DGKG: variants seen among roughly 807,000 people sequenced by gnomAD.
DGKG encodes DAG kinase gamma.
In DGKG, 78 loss-of-function variants were observed where a neutral mutation model predicts 105.3. That is an observed-to-expected ratio of 0.74 (90% CI 0.62 to 0.89). The LOEUF (loss-of-function observed/expected upper bound fraction) is 0.89, where lower values mean the gene tolerates loss of function less well. DGKG is among the 40% of genes least tolerant of loss of function. The pLI is 0.00. For synonymous variants in DGKG, 346 were observed against 367.1 expected (o/e 0.94, Z 0.66); for missense variants, 958 against 1,020.1 (o/e 0.94, Z 0.83).
intron 5 of DGKG, among the ~76,000 whole-genome samples, chr3:186,296,115 A>T (rs75164737): frequency 5.1e-5 from 1 of 19,452 alleles, no homozygotes; most frequent in African/African-American, 1.3e-4. Context: ...TCTCAGACAA[A>T]AAAAAAAAAA....
At chr3:186,161,386 GTGA>G in intron 24 of DGKG, 2 of 1,396,050 alleles carry the variant, frequency 1.4e-6, no homozygotes, top group Non-Finnish European at 1.9e-6. Context: ...ATTCAATTTT[GTGA>G]CCGGCGCTTC....
Position 186,288,824 on chromosome 3 carries a change from G to C in DGKG, c.430C>G (p.Leu144Val), listed in dbSNP as rs1723187400. ...GAAGACCGAGGGACGGGGGGTTCCA[G>C]GGGGGTCGCAGCCACTTGGTCTTCA... ...PAEDQVAATP[L>V]EPPVPRSSSS... Residue 144 changes from leucine to valine, a missense_variant, in exon 6 of 25, where the codon CTG (leucine) becomes GTG (valine). By Grantham distance (32) the Leu-to-Val change is conservative. Around this residue, in one of 2 missense-constraint regions of DGKG, gnomAD observed 643 missense variants for 619.5 expected, o/e 1.04. Coordinates refer to ENST00000265022, the MANE Select transcript of DGKG (RefSeq NM_001346.3). 2 of 1,609,550 alleles carry C rather than the reference G, an allele frequency of 1.2e-6. No individual in the cohort carries two copies. Among genetic ancestry groups the C allele is most frequent in the Middle Eastern group, 1.7e-4 (1 of 6,044 alleles).
At chr3:186,322,848 G>A (rs572991278) in intron 1 of DGKG, among the ~76,000 whole-genome samples, 21 of 152,210 alleles carry the variant, frequency 1.4e-4, no homozygotes, top group Non-Finnish European at 2.4e-4. Context: ...CCAGCCGCTC[G>A]GGTTATGCCC....
chr3:186,220,369 C>T (rs1349618371), intron 20 of DGKG, among the ~76,000 whole-genome samples: 1 of 152,146 alleles, frequency 6.6e-6, no homozygotes, highest in African/African-American at 2.4e-5. Flanking sequence ...GCAGCCTTCT[C>T]ACGGTACAGC....
intron 2 of DGKG, chr3:186,313,473 C>A: frequency 1.0e-6 from 1 of 982,816 alleles, no homozygotes; most frequent in Non-Finnish European, 1.2e-6. Context: ...CATTTTCTCA[C>A]CTTTTCTCCA....
intron 19 of DGKG, among the ~76,000 whole-genome samples, chr3:186,248,989 G>A (rs547703864): frequency 6.6e-6 from 1 of 152,284 alleles, no homozygotes; most frequent in East Asian, 1.9e-4. Context: ...TTTTTTAACT[G>A]TAATGATGGG....
At chr3:186,352,733 C>A (rs913746582) in intron 1 of DGKG, among the ~76,000 whole-genome samples, 3 of 152,176 alleles carry the variant, frequency 2.0e-5, no homozygotes, top group Non-Finnish European at 4.4e-5. Flanking sequence ...TCCACCTGTA[C>A]TGCCATTGGT....
chr3:186,205,679 C>T (rs892643749), intron 21 of DGKG, among the ~76,000 whole-genome samples: 106 of 151,934 alleles, frequency 7.0e-4, no homozygotes, highest in Admixed American at 2.2e-3. Flanking sequence ...CACCGCACTC[C>T]AGCCTGGGTG....
chr3:186,361,589 T>G lies in DGKG; in HGVS notation c.-249+357A>C, dbSNP rs1383534445. ...GACTGCCTGGAGCGCGAACTGGATA[T>G]CAAGGAGCCAAGGTTAAGTCCAGAA... is the stretch of plus-strand genomic sequence containing the variant. On this transcript the variant is annotated intron_variant, in intron 1 of 24. Transcript: ENST00000265022. The surrounding 1 kb of genome is among the most constrained non-coding windows in gnomAD (Gnocchi z 6.8). Among the ~76,000 whole-genome samples, 5 of 152,064 alleles carry G rather than the reference T, an allele frequency of 3.3e-5. No individual in the cohort carries two copies. Among genetic ancestry groups the G allele is most frequent in the African/African-American group, 1.2e-4 (5 of 41,396 alleles).
intron 21 of DGKG, among the ~76,000 whole-genome samples, chr3:186,209,142 G>A (rs1189818240): frequency 2.3e-5 from 3 of 129,756 alleles, no homozygotes; most frequent in African/African-American, 6.1e-5. Flanking sequence ...TCTGTCTTGC[G>A]CAGGCTGGAG....
At chr3:186,264,466 G>A (rs976088598) in intron 14 of DGKG, among the ~76,000 whole-genome samples, 2 of 152,146 alleles carry the variant, frequency 1.3e-5, no homozygotes, top group African/African-American at 4.8e-5. Context: ...GTTTCACCAT[G>A]TTGGCCAGTC....
In DGKG at chr3:186,208,265, C is replaced by T. The variant is rs143922556; in HGVS notation, c.1917+3530G>A. 3.4e-3 allele frequency among the ~76,000 whole-genome samples: 510 copies of T among 152,210 alleles called. 7 individuals are homozygous for T. The highest frequency in any genetic ancestry group is 0.012 in the African/African-American group (479 of 41,526). On this transcript the variant is annotated intron_variant, in intron 21 of 24. Coordinates refer to ENST00000265022, the MANE Select transcript of DGKG (RefSeq NM_001346.3). Reference sequence around the variant, plus strand: ...CCATGTTGGCCAGGCTGGTCTCAAACTCCTGACCTCAGGTGATCCACCCAC... The same window carrying T: ...CCATGTTGGCCAGGCTGGTCTCAAATTCCTGACCTCAGGTGATCCACCCAC...
chr3:186,319,121 CT>C (rs2108638846), intron 2 of DGKG, among the ~76,000 whole-genome samples: 2 of 152,140 alleles, frequency 1.3e-5, no homozygotes, highest in East Asian at 3.9e-4. Context: ...TGATTTTTTG[CT>C]TCTTGTCAAT....
At chr3:186,310,743 T>C (rs921432186) in intron 2 of DGKG, among the ~76,000 whole-genome samples, 1 of 152,236 alleles carries the variant, frequency 6.6e-6, no homozygotes, top group Non-Finnish European at 1.5e-5. Context: ...GAGGACACCT[T>C]GTTCCATTTC....
chr3:186,269,164 C>T (rs969334116), intron 11 of DGKG, among the ~76,000 whole-genome samples: 9 of 152,264 alleles, frequency 5.9e-5, no homozygotes, highest in African/African-American at 1.4e-4. Flanking sequence ...ACAGCTCAAT[C>T]GCCCTGGAAG....
chr3:186,353,565 G>GTATATATATATATGTATGTA (rs1726740548), intron 1 of DGKG, among the ~76,000 whole-genome samples: 1 of 117,026 alleles, frequency 8.5e-6, no homozygotes. Context: ...TTTTATGTAT[G>GTATATATATATATGTATGTA]TATATATATA....
intron 24 of DGKG, among the ~76,000 whole-genome samples, chr3:186,156,253 T>TG (rs1716030449): frequency 6.6e-6 from 1 of 152,104 alleles, no homozygotes; most frequent in Admixed American, 6.5e-5. Flanking sequence ...GTAATTGAAC[T>TG]GGGGGGCTTT....
rs987281690 is a variant in DGKG, at chr3:186,210,832, G to A, written c.1917+963C>T. Reference sequence around the variant, plus strand: ...TTTCCTCAAGTGAAAAGAAGACTACGGGCCTAAATCCCACGGGAAGGTAGG... The same window carrying A: ...TTTCCTCAAGTGAAAAGAAGACTACAGGCCTAAATCCCACGGGAAGGTAGG... On this transcript the variant is annotated intron_variant, in intron 21 of 24. Coordinates refer to ENST00000265022, the MANE Select transcript of DGKG (RefSeq NM_001346.3). The surrounding 1 kb of genome is among the most constrained non-coding windows in gnomAD (Gnocchi z 5.2). Among the ~76,000 whole-genome samples the A allele has an allele frequency of 2.6e-5, 4 of 152,208 alleles. No homozygotes were observed. Among genetic ancestry groups the A allele is most frequent in the South Asian group, 2.1e-4 (1 of 4,834 alleles).
chr3:186,273,912 C>T (rs1473983383), intron 10 of DGKG, among the ~76,000 whole-genome samples: 1 of 152,192 alleles, frequency 6.6e-6, no homozygotes, highest in Non-Finnish European at 1.5e-5. Flanking sequence ...GGGCTCTGTG[C>T]ACCCACATAT....
Sources: gnomAD v4.1 joint callset for allele counts (sites outside exome capture counted in the v4.1 genomes callset) on GRCh38, gnomAD v4.1.1 for gene constraint, gnomAD v4.1.1 regional missense constraint, Gnocchi (gnomAD v3.1) non-coding constraint, MANE v1.5 for transcripts, NCBI Gene and HGNC (gene_info 2026-07-23, HGNC 2026-07-21) for gene names.